Variants in SLC24A2 observed in about 807,000 individuals in gnomAD.
SLC24A2 encodes sodium/potassium/calcium exchanger 2.
In SLC24A2, 36 loss-of-function variants were observed where a neutral mutation model predicts 62.0. The observed-to-expected ratio is 0.58, with a 90% CI of 0.44 to 0.77. SLC24A2 has a LOEUF of 0.77. Ranked by LOEUF, SLC24A2 falls within the 30% of genes least tolerant of loss-of-function variation. The pLI is 0.00. For missense variants in SLC24A2, 846 were observed against 817.9 expected, an observed-to-expected ratio of 1.03 and a Z score of -0.42; for synonymous variants, 358 against 294.0, an observed-to-expected ratio of 1.22 and a Z score of -2.23.
chr9:19,638,172 C>G (rs1483531604), intron 2 of SLC24A2, among the ~76,000 whole-genome samples: 1 of 152,130 alleles, frequency 6.6e-6, no homozygotes, highest in East Asian at 1.9e-4. Context: ...CTGTCTGGCT[C>G]TCATCCCTGC....
At chr9:19,529,775 G>T (rs1176975522) in intron 8 of SLC24A2, among the ~76,000 whole-genome samples, 6 of 147,440 alleles carry the variant, frequency 4.1e-5, no homozygotes, top group Non-Finnish European at 1.5e-5. Context: ...TTTTAAGATG[G>T]AGTCTCACTC....
chr9:19,647,052 ACACACACACACGCGCG>A (rs71862127), intron 2 of SLC24A2, among the ~76,000 whole-genome samples: 29,850 of 93,708 alleles, frequency 0.32, 3,383 homozygotes, highest in East Asian at 0.55. Context: ...CTCTTTCCAC[ACACACACACACGCGCG>A]CACACACACA....
At chr9:19,815,955 G>GC in the SLC24A2 span, among the ~76,000 whole-genome samples, 93 of 100,058 alleles carry the variant, frequency 9.3e-4, no homozygotes, top group Middle Eastern at 0.014. Flanking sequence ...TGTATTTTTT[G>GC]CCCCTTTTTT....
the SLC24A2 span, among the ~76,000 whole-genome samples, chr9:20,215,377 C>T: frequency 1.3e-5 from 2 of 151,780 alleles, no homozygotes; most frequent in South Asian, 2.1e-4. Context: ...CTCATATTAT[C>T]GAGAACTATG....
chr9:20,050,646 G>T, the SLC24A2 span, among the ~76,000 whole-genome samples: 2 of 152,176 alleles, frequency 1.3e-5, no homozygotes. Flanking sequence ...TTATAAAGAT[G>T]TATCAACTCT....
At chr9:19,783,158 T>C (rs185364736) in intron 2 of SLC24A2, among the ~76,000 whole-genome samples, 2 of 152,328 alleles carry the variant, frequency 1.3e-5, no homozygotes, top group Non-Finnish European at 2.9e-5. Flanking sequence ...TAAGATTTTA[T>C]ATTTGCCTAT....
At chr9:20,294,828 T>A in the SLC24A2 span, among the ~76,000 whole-genome samples, 1 of 152,100 alleles carries the variant, frequency 6.6e-6, no homozygotes, top group African/African-American at 2.4e-5. Context: ...CACCCAACAT[T>A]GGTATAACAT....
the SLC24A2 span, among the ~76,000 whole-genome samples, chr9:19,874,690 A>G: frequency 6.6e-6 from 1 of 152,208 alleles, no homozygotes; most frequent in African/African-American, 2.4e-5. Flanking sequence ...TTCCCTCAAG[A>G]TTCTTCAGGT....
intron 7 of SLC24A2, among the ~76,000 whole-genome samples, chr9:19,559,670 C>A (rs554696793): frequency 1.2e-4 from 18 of 152,286 alleles, no homozygotes; most frequent in East Asian, 3.9e-4. Context: ...GGTGCCCCCC[C>A]AGAAACATTC....
At chr9:19,545,197 C>A (rs937143954) in intron 8 of SLC24A2, among the ~76,000 whole-genome samples, 1 of 151,654 alleles carries the variant, frequency 6.6e-6, no homozygotes, top group Non-Finnish European at 1.5e-5. Flanking sequence ...TTCTGATATC[C>A]TTTCTTCTGC....
the SLC24A2 span, among the ~76,000 whole-genome samples, chr9:20,303,584 C>G: frequency 6.6e-6 from 1 of 152,126 alleles, no homozygotes; most frequent in Non-Finnish European, 1.5e-5. Flanking sequence ...CTTCCAATAA[C>G]TGGAGGTTTG....
chr9:19,550,816 T>TA (rs1442183215), intron 7 of SLC24A2, among the ~76,000 whole-genome samples: 1 of 152,026 alleles, frequency 6.6e-6, no homozygotes, highest in Non-Finnish European at 1.5e-5. Flanking sequence ...TTGGAATAGC[T>TA]AAGTGCATTG....
At chr9:19,773,883 G>T (rs1436536407) in intron 2 of SLC24A2, among the ~76,000 whole-genome samples, 2 of 152,202 alleles carry the variant, frequency 1.3e-5, no homozygotes, top group African/African-American at 4.8e-5. Flanking sequence ...GGTTGAGCAA[G>T]GTTTAGTTTC....
the SLC24A2 span, among the ~76,000 whole-genome samples, chr9:20,241,003 A>ATCTCCTCCCTCAGATCCAC: frequency 3.9e-5 from 6 of 152,168 alleles, no homozygotes; most frequent in Admixed American, 2.6e-4. Flanking sequence ...CTCTTTCCTC[A>ATCTCCTCCCTCAGATCCAC]TCTCCTCCCT....
intron 8 of SLC24A2, among the ~76,000 whole-genome samples, chr9:19,530,187 G>A (rs1478946410): frequency 6.8e-6 from 1 of 147,232 alleles, no homozygotes; most frequent in East Asian, 2.1e-4. Flanking sequence ...GCTTATTAAA[G>A]TTCCCATCCT....
the SLC24A2 span, among the ~76,000 whole-genome samples, chr9:20,167,083 A>C: frequency 6.6e-6 from 1 of 152,070 alleles, no homozygotes; most frequent in Non-Finnish European, 1.5e-5. Flanking sequence ...CCAAAGTGTT[A>C]ATATTATAGG....
chr9:19,902,057 C>T, the SLC24A2 span, among the ~76,000 whole-genome samples: 1 of 152,144 alleles, frequency 6.6e-6, no homozygotes, highest in Non-Finnish European at 1.5e-5. Flanking sequence ...TTAAGTAACC[C>T]TTGCCTGGCA....
the SLC24A2 span, among the ~76,000 whole-genome samples, chr9:20,068,761 G>C: frequency 6.6e-6 from 1 of 152,142 alleles, no homozygotes; most frequent in Non-Finnish European, 1.5e-5. Flanking sequence ...GCTGAAAGGA[G>C]GTAGCAATGG....
chr9:19,754,596 G>C (rs1167426733), intron 2 of SLC24A2, among the ~76,000 whole-genome samples: 3 of 151,966 alleles, frequency 2.0e-5, no homozygotes, highest in Non-Finnish European at 4.4e-5. Flanking sequence ...GAAGGTGAAA[G>C]TCAGGTTAGA....
Sources: gnomAD v4.1 joint callset for allele counts (sites outside exome capture counted in the v4.1 genomes callset) on GRCh38, gnomAD v4.1.1 for gene constraint, MANE v1.5 for transcripts, NCBI Gene and HGNC (gene_info 2026-07-23, HGNC 2026-07-21) for gene names.